MAP2: variants seen among roughly 807,000 people sequenced by gnomAD.
MAP2 encodes microtubule associated protein 2.
A neutral mutation model predicts 137.6 loss-of-function variants in MAP2; 14 were observed. The observed-to-expected ratio is 0.10, with a 90% CI of 0.07 to 0.16. The LOEUF (loss-of-function observed/expected upper bound fraction) is 0.16, where lower values mean the gene tolerates loss of function less well. Among genes scored for constraint, MAP2 ranks in the 10% least tolerant of loss-of-function variants. The probability of loss-of-function intolerance (pLI) is 1.00; values close to 1 mark genes in which losing one functional copy is unlikely to be tolerated. For missense variants in MAP2, 2,088 were observed against 2,191.5 expected, an observed-to-expected ratio of 0.95 and a Z score of 0.94; for synonymous variants, 786 against 782.3, an observed-to-expected ratio of 1.00 and a Z score of -0.08.
chr2:209,720,517 T>C (rs1220476847), intron 13 of MAP2, among the ~76,000 whole-genome samples: 3 of 151,534 alleles, frequency 2.0e-5, no homozygotes, highest in African/African-American at 7.3e-5. Flanking sequence ...CGGGCGCCTG[T>C]AGTCCCAGCT....
intron 1 of MAP2, among the ~76,000 whole-genome samples, chr2:209,449,808 AT>A (rs1699920354): frequency 6.6e-6 from 1 of 152,140 alleles, no homozygotes; most frequent in South Asian, 2.1e-4. Context: ...AAGATTTTGT[AT>A]TGAAGGTTAG....
At chr2:209,709,064 G>A (rs2064469068) in intron 12 of MAP2, among the ~76,000 whole-genome samples, 1 of 152,142 alleles carries the variant, frequency 6.6e-6, no homozygotes, top group African/African-American at 2.4e-5. Context: ...ATAGGAAAGT[G>A]GGGGGTGGGA....
At chr2:209,435,982 A>ATATATACT (rs1695970602) in intron 1 of MAP2, among the ~76,000 whole-genome samples, 1 of 95,278 alleles carries the variant, frequency 1.0e-5, no homozygotes, top group African/African-American at 5.5e-5. Context: ...TAATATATAC[A>ATATATACT]GTATATATTA....
chr2:209,545,335 A>G (rs1285699939), intron 2 of MAP2, among the ~76,000 whole-genome samples: 2 of 152,224 alleles, frequency 1.3e-5, no homozygotes, highest in Non-Finnish European at 2.9e-5. Flanking sequence ...TTGTAAATCT[A>G]CCTAGCCTGC....
chr2:209,523,876 A>G (rs1349199510), intron 2 of MAP2, among the ~76,000 whole-genome samples: 7 of 152,134 alleles, frequency 4.6e-5, no homozygotes, highest in African/African-American at 1.2e-4. Flanking sequence ...CTAACTATGG[A>G]TATACATAAA....
At chr2:209,473,442 T>G (rs1285549372) in intron 1 of MAP2, among the ~76,000 whole-genome samples, 5 of 151,984 alleles carry the variant, frequency 3.3e-5, no homozygotes, top group Admixed American at 2.0e-4. Context: ...GGGTGAAGAG[T>G]CTACAGCAGG....
At chr2:209,465,307 G>T (rs867740715) in intron 1 of MAP2, among the ~76,000 whole-genome samples, 2 of 151,976 alleles carry the variant, frequency 1.3e-5, no homozygotes, top group Non-Finnish European at 2.9e-5. Flanking sequence ...ATCAGTCAAG[G>T]CACATTCAAA....
chr2:209,664,887 G>A (rs1208266933), intron 5 of MAP2, among the ~76,000 whole-genome samples: 2 of 147,294 alleles, frequency 1.4e-5, no homozygotes, highest in Non-Finnish European at 3.0e-5. Context: ...TTGAACCCAG[G>A]AGGCGGAGGT....
chr2:209,489,627 C>T (rs577339896), intron 1 of MAP2, among the ~76,000 whole-genome samples: 7 of 152,110 alleles, frequency 4.6e-5, no homozygotes, highest in South Asian at 2.1e-4. Context: ...AAACACAGCA[C>T]GAGAACTTCA....
At chr2:209,641,837 G>A (rs1166622494) in intron 4 of MAP2, among the ~76,000 whole-genome samples, 1 of 152,096 alleles carries the variant, frequency 6.6e-6, no homozygotes, top group East Asian at 1.9e-4. Context: ...ATACAGCTGT[G>A]AAGCATAAGT....
chr2:209,637,453 G>T (rs1438067673), intron 4 of MAP2, among the ~76,000 whole-genome samples: 1 of 151,846 alleles, frequency 6.6e-6, no homozygotes, highest in Non-Finnish European at 1.5e-5. Flanking sequence ...GATGAGATAA[G>T]ACAAGATAAG....
At chr2:209,680,915 G>A (rs1268154089) in intron 7 of MAP2, 88 bp downstream of exon 7, 1 of 1,014,170 alleles carries the variant, frequency 9.9e-7, no homozygotes, top group Non-Finnish European at 1.5e-6. Flanking sequence ...TTTGGTATTG[G>A]TTAGTATGTG....
intron 2 of MAP2, among the ~76,000 whole-genome samples, chr2:209,538,111 C>T (rs1470529602): frequency 6.6e-6 from 1 of 152,090 alleles, no homozygotes; most frequent in African/African-American, 2.4e-5. Context: ...TGTGTCTTCA[C>T]GCAGAAATCT....
chr2:209,720,601 T>C (rs1199794372), intron 13 of MAP2, among the ~76,000 whole-genome samples: 4 of 133,924 alleles, frequency 3.0e-5, no homozygotes, highest in African/African-American at 8.7e-5. Flanking sequence ...ATCGCGCCAC[T>C]GCACTCCAGC....
rs570601857 is a variant in MAP2, at chr2:209,610,847, T to G, written c.-106-14206T>G. On this transcript the variant is annotated intron_variant, in intron 3 of 15. Transcript: ENST00000682079. ...CTAATGCCTAATTCTTTAGCCTAAG[T>G]GCTTTTGACTTGAGAGCCATTCCTC... is the stretch of plus-strand genomic sequence containing the variant. Among the ~76,000 whole-genome samples the G allele has an allele frequency of 6.4e-4, 98 of 152,302 alleles. 1 individual carries two copies. The highest frequency in any genetic ancestry group is 1.2e-3 in the Non-Finnish European group (81 of 68,018).
intron 1 of MAP2, among the ~76,000 whole-genome samples, chr2:209,453,800 G>A (rs1700839474): frequency 6.6e-6 from 1 of 152,056 alleles, no homozygotes; most frequent in South Asian, 2.1e-4. Flanking sequence ...ATCTTAATGT[G>A]GACATGATTA....
chr2:209,647,008 T>C (rs191476912), intron 4 of MAP2, among the ~76,000 whole-genome samples: 1 of 152,318 alleles, frequency 6.6e-6, no homozygotes, highest in Admixed American at 6.5e-5. Flanking sequence ...AGCATGATGC[T>C]GGCATCTGCT....
chr2:209,452,893 A>G (rs779025894), intron 1 of MAP2, among the ~76,000 whole-genome samples: 1 of 152,206 alleles, frequency 6.6e-6, no homozygotes, highest in Non-Finnish European at 1.5e-5. Flanking sequence ...AGTTGTCTCT[A>G]TAACACTATT....
chr2:209,722,088 A>G (rs947549396), intron 13 of MAP2: 2 of 152,240 alleles, frequency 1.3e-5, no homozygotes, highest in African/African-American at 4.8e-5. Flanking sequence ...TTGTTGGTTT[A>G]AAACTATCTC....
Sources: gnomAD v4.1 joint callset for allele counts (sites outside exome capture counted in the v4.1 genomes callset) on GRCh38, gnomAD v4.1.1 for gene constraint, MANE v1.5 for transcripts, NCBI Gene and HGNC (gene_info 2026-07-23, HGNC 2026-07-21) for gene names.